Variants in C16orf87 observed in about 807,000 individuals in gnomAD.
The protein encoded by C16orf87 is UPF0547 protein C16orf87.
C16orf87 carries 13 observed loss-of-function variants against 21.0 expected under a neutral mutation model. The observed-to-expected ratio is 0.62, with a 90% CI of 0.40 to 0.98. C16orf87 has a LOEUF of 0.98. C16orf87 is among the 50% of genes least tolerant of loss of function. The pLI is 0.00. For missense variants in C16orf87, 113 were observed against 180.4 expected, an observed-to-expected ratio of 0.63 and a Z score of 2.14; for synonymous variants, 49 against 60.2, an observed-to-expected ratio of 0.81 and a Z score of 0.86.
intron 2 of C16orf87, among the ~76,000 whole-genome samples, chr16:46,815,208 C>T (rs1269965620): frequency 6.6e-6 from 1 of 152,038 alleles, no homozygotes; most frequent in Admixed American, 6.6e-5. Flanking sequence ...TGAAGTTAGA[C>T]CCTTATCTTA....
intron 1 of C16orf87, among the ~76,000 whole-genome samples, chr16:46,830,254 TAGAGAGAGACAGAC>T (rs1959788689): frequency 3.9e-5 from 2 of 51,940 alleles, no homozygotes; most frequent in Non-Finnish European, 8.7e-5. Context: ...GATAGAGAGA[TAGAGAGAGACAGAC>T]AGAGAGAGAG....
intron 1 of C16orf87, among the ~76,000 whole-genome samples, chr16:46,825,691 C>T (rs537672029): frequency 9.2e-5 from 14 of 152,082 alleles, no homozygotes; most frequent in Non-Finnish European, 2.1e-4. Context: ...GCAGGTGGAT[C>T]ACTTGAGGTC....
intron 3 of C16orf87, chr16:46,808,158 T>C (rs1967982517): frequency 2.2e-6 from 1 of 451,308 alleles, no homozygotes. Context: ...AACATACAAA[T>C]TTAACAAATA....
At chr16:46,825,956 CT>C (rs1959603223) in intron 1 of C16orf87, among the ~76,000 whole-genome samples, 1 of 151,706 alleles carries the variant, frequency 6.6e-6, no homozygotes, top group African/African-American at 2.4e-5. Flanking sequence ...TATAGTCCCC[CT>C]GTTGTGCTAT....
intron 2 of C16orf87, among the ~76,000 whole-genome samples, chr16:46,823,261 C>T (rs1959488818): frequency 6.6e-6 from 1 of 152,148 alleles, no homozygotes; most frequent in South Asian, 2.1e-4. Context: ...ATCTCCCACC[C>T]ACAAGAATAT....
chr16:46,821,774 T>C (rs758438736), intron 2 of C16orf87, among the ~76,000 whole-genome samples: 13 of 152,158 alleles, frequency 8.5e-5, no homozygotes, highest in Non-Finnish European at 1.8e-4. Flanking sequence ...TCATCCATTT[T>C]CCATGATGAC....
chr16:46,819,893 G>A (rs1484805797), intron 2 of C16orf87, among the ~76,000 whole-genome samples: 1 of 151,894 alleles, frequency 6.6e-6, no homozygotes, highest in Non-Finnish European at 1.5e-5. Flanking sequence ...AGAATGGGTT[G>A]AATCCAGGAG....
chr16:46,821,855 GA>G (rs898280185), intron 2 of C16orf87, among the ~76,000 whole-genome samples: 2 of 146,370 alleles, frequency 1.4e-5, no homozygotes, highest in Non-Finnish European at 3.0e-5. Context: ...ATGTCCAACT[GA>G]AAAAAAAATC....
At chr16:46,807,498 C>A (rs868654972) in intron 3 of C16orf87, among the ~76,000 whole-genome samples, 1 of 151,890 alleles carries the variant, frequency 6.6e-6, no homozygotes, top group South Asian at 2.1e-4. Context: ...TGTGGCCCAC[C>A]ACCTGCTTTA....
chr16:46,813,881 G>A lies in C16orf87; in HGVS notation c.164-4096C>T, dbSNP rs755431343. Among the ~76,000 whole-genome samples the A allele has an allele frequency of 5.3e-5, 8 of 151,958 alleles. No individual in the cohort carries two copies. The South Asian group carries it at 1.2e-3, about 24-fold the overall frequency. On this transcript the variant is annotated intron_variant, in intron 2 of 3. Transcript: ENST00000285697. ...ATTTATTTACTTATATGCTCAATGC[G>A]TCTCCTCCATCAAAATATAGGCTTT...
rs534159970 is a variant in C16orf87 at position 46,822,315 on chromosome 16, G to C, written c.163+2071C>G. Among the ~76,000 whole-genome samples the C allele has an allele frequency of 5.3e-5, 8 of 152,204 alleles. No individual in the cohort carries two copies. The South Asian group carries it at 1.7e-3, about 32-fold the overall frequency. Reference sequence around the variant, plus strand: ...AAAAATACTTGAATTAAAAAAATAAGCACTTTGTCTCCCTAAGAACAAGGA... The same window carrying C: ...AAAAATACTTGAATTAAAAAAATAACCACTTTGTCTCCCTAAGAACAAGGA... On this transcript the variant is annotated intron_variant, in intron 2 of 3. Coordinates refer to ENST00000285697, the MANE Select transcript of C16orf87 (RefSeq NM_001001436.4).
At chr16:46,819,502 A>T (rs62057622) in intron 2 of C16orf87, among the ~76,000 whole-genome samples, 1 of 151,202 alleles carries the variant, frequency 6.6e-6, no homozygotes, top group Non-Finnish European at 1.5e-5. Context: ...CAGAGACGGG[A>T]TTTCACCATG....
intron 2 of C16orf87, among the ~76,000 whole-genome samples, chr16:46,811,667 G>C (rs1462563655): frequency 6.6e-6 from 1 of 152,082 alleles, no homozygotes; most frequent in African/African-American, 2.4e-5. Context: ...CAAGGAATAT[G>C]TTAAGTGACA....
In C16orf87 at chr16:46,800,608, T is replaced by C. The variant is rs2143024599; in HGVS notation, c.*2344A>G. 1 of 152,308 alleles carries C rather than the reference T, an allele frequency of 6.6e-6. No individual in the cohort carries two copies. The highest frequency in any genetic ancestry group is 1.9e-4 in the East Asian group (1 of 5,192). The allele number at this position is 152,308 out of a possible 1,614,324, so 9.4% of individuals were successfully genotyped here. On this transcript the variant is annotated 3_prime_UTR_variant, in exon 4 of 4. Transcript: ENST00000285697. ...CAAGGTATTTTGAATAATCATATCA[T>C]TTATAGATATCAGAGCAGAACAAAT...
chr16:46,814,624 A>G (rs990836799), intron 2 of C16orf87, among the ~76,000 whole-genome samples: 1 of 152,214 alleles, frequency 6.6e-6, no homozygotes, highest in Middle Eastern at 3.2e-3. Flanking sequence ...AAAACAGTGT[A>G]GGGTATTCAT....
chr16:46,828,787 T>C (rs1032589165), intron 1 of C16orf87, among the ~76,000 whole-genome samples: 3 of 152,222 alleles, frequency 2.0e-5, no homozygotes, highest in African/African-American at 7.2e-5. Context: ...GTTTAGAAAA[T>C]GGCTTTCTGG....
Position 46,802,888 on chromosome 16 carries a change from T to G in C16orf87, c.*64A>C. Reference sequence around the variant, plus strand: ...CAGTCAGAATGCTCCTGAGAGTCCATAACTGTTTGAGAATTTGCTGATGTT... The same window carrying G: ...CAGTCAGAATGCTCCTGAGAGTCCAGAACTGTTTGAGAATTTGCTGATGTT... On this transcript the variant is annotated 3_prime_UTR_variant, in exon 4 of 4. Coordinates refer to ENST00000285697, the MANE Select transcript of C16orf87 (RefSeq NM_001001436.4). The G allele has an allele frequency of 1.3e-6, 1 of 798,852 alleles. No homozygotes were observed. The highest frequency in any genetic ancestry group is 2.2e-6 in the Non-Finnish European group (1 of 450,726). 49.5% of individuals were successfully genotyped at this position (798,852 alleles called of 1,614,324 possible). A position where few individuals can be genotyped will look rare whatever the true frequency, so the allele number is the denominator to read the frequency against.
rs1967782358 is a variant in C16orf87, at chr16:46,801,666, A to G, written c.*1286T>C. On this transcript the variant is annotated 3_prime_UTR_variant, in exon 4 of 4. Transcript: ENST00000285697. Reference sequence around the variant, plus strand: ...TCCCTCTGCTGGTTACCATTTAAATAAAGTAGGAAAAAATGTTGACCTTTT... The same window carrying G: ...TCCCTCTGCTGGTTACCATTTAAATGAAGTAGGAAAAAATGTTGACCTTTT... The G allele has an allele frequency of 6.6e-6, 1 of 152,210 alleles. No homozygotes were observed. The highest frequency in any genetic ancestry group is 2.1e-4 in the South Asian group (1 of 4,836). The allele number at this position is 152,210 out of a possible 1,614,324, so 9.4% of individuals were successfully genotyped here. A position where few individuals can be genotyped will look rare whatever the true frequency, so the allele number is the denominator to read the frequency against.
chr16:46,816,259 TG>T (rs1447813294), intron 2 of C16orf87, among the ~76,000 whole-genome samples: 2 of 152,210 alleles, frequency 1.3e-5, no homozygotes, highest in African/African-American at 4.8e-5. Flanking sequence ...CATTGTTTAA[TG>T]GGTACACGGT....
Sources: gnomAD v4.1 joint callset for allele counts (sites outside exome capture counted in the v4.1 genomes callset) on GRCh38, gnomAD v4.1.1 for gene constraint, MANE v1.5 for transcripts, NCBI Gene and HGNC (gene_info 2026-07-23, HGNC 2026-07-21) for gene names.